FBL: variants seen among roughly 807,000 people sequenced by gnomAD.
FBL encodes the protein fibrillarin rRNA 2'-O-methyltransferase.
A neutral mutation model predicts 42.2 loss-of-function variants in FBL; 10 were observed. The ratio of observed to expected loss-of-function variants is 0.24; its 90% confidence interval spans 0.15 to 0.40. The LOEUF is 0.40. FBL is among the 10% of genes least tolerant of loss of function. The pLI is 1.00. For missense variants in FBL, 351 were observed against 439.2 expected (o/e 0.80, Z 1.79); for synonymous variants, 165 against 165.4 (o/e 1.00, Z 0.02).
intron 5 of FBL, 186 bp from the exon 6 acceptor site, chr19:39,838,029 G>A (rs1445996071): frequency 3.7e-6 from 2 of 546,312 alleles, no homozygotes; most frequent in Non-Finnish European, 6.3e-6. Flanking sequence ...AAAGTCACTG[G>A]CCAAGAGTTA....
In FBL at chr19:39,840,808, G is replaced by GAGTC; in HGVS notation, c.11-25_11-22dup. ...GAATCCTGTGGGGGAAACAAAACAG[G>GAGTC]AGTCAGGGCAATGAAGCTTAAAAGG... On this transcript the variant is annotated intron_variant, in intron 1 of 8. Transcript: ENST00000221801. This position sits in a 1 kb window ranked among gnomAD's most constrained non-coding sequence, Gnocchi z 4.5. 6.6e-7 allele frequency: 1 copy of GAGTC among 1,517,380 alleles called. No individual in the cohort carries two copies. The highest frequency in any genetic ancestry group is 8.8e-7 in the Non-Finnish European group (1 of 1,130,474). 94.0% of individuals were successfully genotyped at this position (1,517,380 alleles called of 1,614,324 possible).
chr19:39,845,585 T>C (rs183869343), intron 1 of FBL, among the ~76,000 whole-genome samples: 188 of 152,214 alleles, frequency 1.2e-3, no homozygotes, highest in Non-Finnish European at 1.9e-3. Context: ...ATCTTAAGAA[T>C]AAAACTACTT....
chr19:39,840,222 C>T lies in FBL; in HGVS notation c.378+11G>A. 1 of 1,608,810 alleles carries T rather than the reference C, an allele frequency of 6.2e-7. No individual in the cohort carries two copies. The highest frequency in any genetic ancestry group is 8.5e-7 in the Non-Finnish European group (1 of 1,175,662). On this transcript the variant is annotated intron_variant, in intron 4 of 8. Coordinates refer to ENST00000221801, the MANE Select transcript of FBL (RefSeq NM_001436.4). The surrounding 1 kb of genome is among the most constrained non-coding windows in gnomAD (Gnocchi z 4.5). The stretch of plus-strand genomic sequence containing the variant: ...CGACCCTGGTGGCTTGGACAGGGGC[C>T]CAGTTCTCACCGAAATCGAGACTCT...
chr19:39,846,126 AC>A (rs1383629093), intron 1 of FBL, among the ~76,000 whole-genome samples, 164 bp downstream of exon 1: 1 of 152,068 alleles, frequency 6.6e-6, no homozygotes, highest in Non-Finnish European at 1.5e-5. Flanking sequence ...CCAGTCACAA[AC>A]CCCTAGACCT....
In FBL at chr19:39,840,245, T is replaced by C; in HGVS notation, c.366A>G (p.Arg122=). 6.2e-7 allele frequency: 1 copy of C among 1,613,662 alleles called. No individual in the cohort carries two copies. ...VPGESVYGEK[R]VSISEGDDKI... ...GCCCAGTTCTCACCGAAATCGAGAC[T>C]CTCTTCTCTCCATAAACTGATTCCC... The change falls in exon 4 of 9, where the codon AGA becomes AGG. Residue 122 remains arginine (R), a synonymous_variant. Coordinates refer to ENST00000221801, the MANE Select transcript of FBL (RefSeq NM_001436.4). This position sits in a 1 kb window ranked among gnomAD's most constrained non-coding sequence, Gnocchi z 4.5.
chr19:39,844,472 G>T (rs977886799), intron 1 of FBL, among the ~76,000 whole-genome samples: 7 of 139,984 alleles, frequency 5.0e-5, no homozygotes, highest in Non-Finnish European at 4.7e-5. Context: ...TTCTTTTTTT[G>T]GGGGGAGGGG....
rs1202331345 is a variant in FBL at position 39,840,681 on chromosome 19, G to A, written c.117C>T (p.Gly39=). 3 of 1,600,358 alleles carry A rather than the reference G, an allele frequency of 1.9e-6. No individual in the cohort carries two copies. Among genetic ancestry groups the A allele is most frequent in the Non-Finnish European group, 1.7e-6 (2 of 1,173,702 alleles). ...GFGGGRGRGG[G]FRGRGRGGGG... is the part of the protein sequence containing the mutation. ...CTCCTCCTCGTCCACGACCTCTAAA[G>A]CCTCCGCCTCGACCTCGGCCCCCGC... The change falls in exon 2 of 9, where the codon GGC becomes GGT. Residue 39 remains glycine, a synonymous_variant. Coordinates refer to ENST00000221801, the MANE Select transcript of FBL (RefSeq NM_001436.4). This position sits in a 1 kb window ranked among gnomAD's most constrained non-coding sequence, Gnocchi z 4.5.
Position 39,836,549 on chromosome 19 carries a change from C to G in FBL, c.795+7G>C, listed in dbSNP as rs747960991. ...CACCCCATCTTAGACTCTTCCAAACCCCGCACCTTAATGGAAATCACAAAG... is the reference window on the plus strand; with the variant it reads ...CACCCCATCTTAGACTCTTCCAAACGCCGCACCTTAATGGAAATCACAAAG... On this transcript the variant is annotated splice_region_variant and intron_variant, in intron 7 of 8. Coordinates refer to ENST00000221801, the MANE Select transcript of FBL (RefSeq NM_001436.4). 8 of 1,596,492 alleles carry G rather than the reference C, an allele frequency of 5.0e-6. No homozygotes were observed. The African/African-American group carries it at 5.4e-5, about 11-fold the overall frequency.
At chr19:39,839,965 CAG>C (rs1439058053) in intron 4 of FBL, among the ~76,000 whole-genome samples, 3 of 151,096 alleles carry the variant, frequency 2.0e-5, no homozygotes, top group Admixed American at 1.3e-4. Context: ...GACACTTGGT[CAG>C]AGAGTTAGTG....
Position 39,840,531 on chromosome 19 carries a change from A to G in FBL, c.182-16T>C. 6.2e-7 allele frequency: 1 copy of G among 1,613,990 alleles called. No homozygotes were observed. The highest frequency in any genetic ancestry group is 1.1e-5 in the South Asian group (1 of 91,068). On this transcript the variant is annotated splice_polypyrimidine_tract_variant and intron_variant, in intron 2 of 8. Coordinates refer to ENST00000221801, the MANE Select transcript of FBL (RefSeq NM_001436.4). The surrounding 1 kb of genome is among the most constrained non-coding windows in gnomAD (Gnocchi z 4.5). ...AAGCCTCCACCTATAAAGGAGAGGT[A>G]CAACAGGAGAGAAAGATCCTGAATC...
At chr19:39,846,067 C>G (rs1295823965) in intron 1 of FBL, among the ~76,000 whole-genome samples, 4 of 152,222 alleles carry the variant, frequency 2.6e-5, no homozygotes, top group Non-Finnish European at 5.9e-5. Context: ...TCAACACCCC[C>G]AATGCCAGGC....
intron 1 of FBL, among the ~76,000 whole-genome samples, chr19:39,843,129 C>G (rs1969191453): frequency 6.6e-6 from 1 of 152,330 alleles, no homozygotes; most frequent in Admixed American, 6.5e-5. Flanking sequence ...ATTATTACCA[C>G]CTGCCTCCCC....
chr19:39,843,288 T>C (rs1033386075), intron 1 of FBL, among the ~76,000 whole-genome samples: 5 of 152,258 alleles, frequency 3.3e-5, no homozygotes, highest in Admixed American at 3.3e-4. Flanking sequence ...CCCTGGGCCC[T>C]GCCTCAAGGA....
At chr19:39,838,977 G>C (rs750308448) in intron 5 of FBL, 58 bp downstream of exon 5, 41 of 1,491,510 alleles carry the variant, frequency 2.7e-5, no homozygotes, top group Non-Finnish European at 3.6e-5. Flanking sequence ...TGATATTCCA[G>C]GTTGGCAGAA....
Position 39,840,691 on chromosome 19 carries a change from C to T in FBL, c.107G>A (p.Arg36Gln), listed in dbSNP as rs751231945. The change falls in exon 2 of 9, where the codon CGA becomes CAA. Residue 36 changes from arginine (R) to glutamine (Q), a missense_variant. Coordinates refer to ENST00000221801, the MANE Select transcript of FBL (RefSeq NM_001436.4). This position sits in a 1 kb window ranked among gnomAD's most constrained non-coding sequence, Gnocchi z 4.5. ...TCCACGACCTCTAAAGCCTCCGCCT[C>T]GACCTCGGCCCCCGCCAAAGCCCCC... is the stretch of plus-strand genomic sequence containing the variant. Reference protein sequence around the residue: ...GRGGFGGGRGRGGGFRGRGRG... With the variant: ...GRGGFGGGRGQGGGFRGRGRG... The T allele has an allele frequency of 9.4e-6, 15 of 1,591,876 alleles. No individual in the cohort carries two copies. The highest frequency in any genetic ancestry group is 5.6e-5 in the South Asian group (5 of 88,914).
Position 39,840,922 on chromosome 19 carries a change from TC to T in FBL, c.11-136del. ...ACAGCAGGACACATTTCCAAGAATG[TC>T]CACAGCAAAAGAAAAGTGAAGACTA... On this transcript the variant is annotated intron_variant, in intron 1 of 8. Coordinates refer to ENST00000221801, the MANE Select transcript of FBL (RefSeq NM_001436.4). This position sits in a 1 kb window ranked among gnomAD's most constrained non-coding sequence, Gnocchi z 4.5. 1.2e-6 allele frequency: 1 copy of T among 821,512 alleles called. No homozygotes were observed. The highest frequency in any genetic ancestry group is 1.8e-6 in the Non-Finnish European group (1 of 563,664). The allele number at this position is 821,512 out of a possible 1,614,324, so 50.9% of individuals were successfully genotyped here. A position where few individuals can be genotyped will look rare whatever the true frequency, so the allele number is the denominator to read the frequency against.
At chr19:39,841,854 G>T (rs527253759) in intron 1 of FBL, among the ~76,000 whole-genome samples, 46 of 152,288 alleles carry the variant, frequency 3.0e-4, no homozygotes, top group Middle Eastern at 6.8e-3. Flanking sequence ...AAATGTTTAA[G>T]AAATAACAGA....
chr19:39,834,587 A>G (rs993837207), intron 8 of FBL, 25 bp from the exon 9 acceptor site: 1 of 1,614,142 alleles, frequency 6.2e-7, no homozygotes, highest in Non-Finnish European at 8.5e-7. Context: ...TAGGTGATGA[A>G]GGAGGGTCCC....
At chr19:39,837,139 A>C (rs987161988) in intron 6 of FBL, among the ~76,000 whole-genome samples, 1 of 152,242 alleles carries the variant, frequency 6.6e-6, no homozygotes, top group Non-Finnish European at 1.5e-5. Context: ...AGCAGAATGA[A>C]AAATAATGTT....
Sources: gnomAD v4.1 joint callset for allele counts (sites outside exome capture counted in the v4.1 genomes callset) on GRCh38, gnomAD v4.1.1 for gene constraint, Gnocchi (gnomAD v3.1) non-coding constraint, MANE v1.5 for transcripts, NCBI Gene and HGNC (gene_info 2026-07-23, HGNC 2026-07-21) for gene names.